Variants in WDR41 observed in about 807,000 individuals in gnomAD.
WDR41 encodes the protein WD repeat domain 41.
Under a neutral mutation model 69.3 loss-of-function variants are expected in WDR41, and 63 were observed. That is an observed-to-expected ratio of 0.91 (90% CI 0.74 to 1.12). The LOEUF is 1.12. Among genes scored for constraint, WDR41 ranks in the 50% most tolerant of loss-of-function variants. The probability of loss-of-function intolerance (pLI) is 0.00; values close to 1 mark genes in which losing one functional copy is unlikely to be tolerated. For synonymous variants in WDR41, 185 were observed against 192.1 expected (o/e 0.96, Z 0.31); for missense variants, 543 against 534.5 (o/e 1.02, Z -0.16).
intron 1 of WDR41, among the ~76,000 whole-genome samples, chr5:77,514,032 G>T (rs535517055): frequency 6.6e-6 from 1 of 151,930 alleles, no homozygotes. Flanking sequence ...CATGTGTTAT[G>T]CTGATTGTTT....
chr5:77,547,111 G>GCATACAA (rs1743213452), intron 1 of WDR41, among the ~76,000 whole-genome samples: 1 of 151,936 alleles, frequency 6.6e-6, no homozygotes, highest in African/African-American at 2.4e-5. Context: ...CAGCATACAA[G>GCATACAA]GATCATACCT....
chr5:77,560,864 G>A (rs1180161062), intron 1 of WDR41, among the ~76,000 whole-genome samples: 1 of 152,062 alleles, frequency 6.6e-6, no homozygotes, highest in African/African-American at 2.4e-5. Flanking sequence ...CCAGCAGATG[G>A]CATTCTTCCA....
chr5:77,502,673 C>T (rs929408599), intron 1 of WDR41, among the ~76,000 whole-genome samples: 2 of 152,150 alleles, frequency 1.3e-5, no homozygotes, highest in Non-Finnish European at 2.9e-5. Context: ...GCGGATCACT[C>T]GGGAGAAACC....
chr5:77,551,339 A>C (rs7704954), intron 1 of WDR41, among the ~76,000 whole-genome samples: 67,926 of 151,838 alleles, frequency 0.45, 15,464 homozygotes, highest in South Asian at 0.54. Flanking sequence ...GATATTCAAA[A>C]GCTAATTTTA....
intron 5 of WDR41, among the ~76,000 whole-genome samples, chr5:77,454,207 G>A (rs1195966903): frequency 6.6e-6 from 1 of 152,112 alleles, no homozygotes; most frequent in Non-Finnish European, 1.5e-5. Flanking sequence ...AGACACTAAA[G>A]CAGTCACATG....
At chr5:77,453,383 C>T (rs1174388823) in intron 6 of WDR41, among the ~76,000 whole-genome samples, 1 of 152,076 alleles carries the variant, frequency 6.6e-6, no homozygotes, top group Non-Finnish European at 1.5e-5. Flanking sequence ...AAACCAAAAT[C>T]GTATGTACAC....
exon 1 of WDR41, chr5:77,620,494 T>C (rs780889037): frequency 3.0e-5 from 12 of 402,184 alleles, no homozygotes; most frequent in Non-Finnish European, 4.8e-5. Context: ...CAGTTTCCCC[T>C]GGACTTGAAC....
chr5:77,512,331 T>TGAGAGAGAGAGAAAGA (rs59306558), intron 1 of WDR41, among the ~76,000 whole-genome samples: 87 of 87,938 alleles, frequency 9.9e-4, no homozygotes, highest in Admixed American at 1.4e-3. Flanking sequence ...ATGGGGTGAG[T>TGAGAGAGAGAGAAAGA]GAGAGAGAGA....
chr5:77,541,554 G>A (rs948334172), intron 1 of WDR41, among the ~76,000 whole-genome samples: 5 of 145,930 alleles, frequency 3.4e-5, no homozygotes, highest in East Asian at 2.0e-4. Context: ...GTGCAGTGGC[G>A]CGATCTTGGC....
intron 1 of WDR41, chr5:77,545,805 T>C (rs191848555): frequency 9.8e-7 from 1 of 1,022,792 alleles, no homozygotes; most frequent in Non-Finnish European, 1.4e-6. Flanking sequence ...GGGTGTTAAG[T>C]GCTCCAAGGA....
At chr5:77,580,695 C>A (rs149784689) in intron 1 of WDR41, among the ~76,000 whole-genome samples, 1 of 151,988 alleles carries the variant, frequency 6.6e-6, no homozygotes, top group African/African-American at 2.4e-5. Flanking sequence ...GTGGTTCATG[C>A]GTGTAATCAC....
intron 1 of WDR41, among the ~76,000 whole-genome samples, chr5:77,525,987 A>G (rs1561214951): frequency 6.6e-6 from 1 of 152,214 alleles, no homozygotes; most frequent in Non-Finnish European, 1.5e-5. Context: ...GTTGAAAAAT[A>G]TACATAAAAT....
intron 1 of WDR41, among the ~76,000 whole-genome samples, chr5:77,590,630 C>T (rs1402902643): frequency 5.3e-5 from 8 of 152,134 alleles, no homozygotes; most frequent in African/African-American, 1.9e-4. Flanking sequence ...TAGCTGGCAG[C>T]AAAGGAGTCT....
intron 1 of WDR41, chr5:77,545,569 CT>C (rs1249434645): frequency 3.6e-6 from 1 of 276,018 alleles, no homozygotes; most frequent in Non-Finnish European, 6.9e-6. Context: ...CATCACCAAG[CT>C]GGGCCGTCTG....
Position 77,609,547 on chromosome 5 carries a change from G to C in WDR41, c.42+10932C>G, listed in dbSNP as rs568897674. On this transcript the variant is annotated intron_variant, in intron 1 of 5. Coordinates refer to the WDR41 transcript ENST00000509971. ...CTGCTGCTGATACCCAGGCAAACAG[G>C]GTCTGGAGTGGACCTCTAGCAAACT... Among the ~76,000 whole-genome samples, 431 of 152,248 alleles carry C rather than the reference G, an allele frequency of 2.8e-3. 2 individuals are homozygous for C. Among genetic ancestry groups the C allele is most frequent in the Admixed American group, 5.3e-3 (81 of 15,284 alleles).
At chr5:77,489,406 C>A in intron 2 of WDR41, 51 bp downstream of exon 2, 1 of 1,162,906 alleles carries the variant, frequency 8.6e-7, no homozygotes, top group Non-Finnish European at 1.2e-6. Flanking sequence ...CATAAAATTC[C>A]CTAAAACCTC....
intron 1 of WDR41, among the ~76,000 whole-genome samples, chr5:77,563,050 T>C (rs2884884): frequency 0.34 from 51,349 of 152,062 alleles, 10,838 homozygotes; most frequent in African/African-American, 0.58. Context: ...GTACCGCATC[T>C]ATTTTATCTT....
At chr5:77,577,970 G>A (rs1743863817) in intron 1 of WDR41, among the ~76,000 whole-genome samples, 1 of 152,152 alleles carries the variant, frequency 6.6e-6, no homozygotes, top group South Asian at 2.1e-4. Flanking sequence ...TTATAATAAA[G>A]TGTTGACTAT....
intron 7 of WDR41, among the ~76,000 whole-genome samples, chr5:77,450,591 C>T (rs185590681): frequency 2.0e-5 from 3 of 152,258 alleles, no homozygotes; most frequent in East Asian, 1.9e-4. Context: ...AGGAACTCTA[C>T]GTACCAAATG....
Sources: gnomAD v4.1 joint callset for allele counts (sites outside exome capture counted in the v4.1 genomes callset) on GRCh38, gnomAD v4.1.1 for gene constraint, MANE v1.5 for transcripts, NCBI Gene and HGNC (gene_info 2026-07-23, HGNC 2026-07-21) for gene names.